The following EDIL3 variants were observed in gnomAD, a reference collection of about 807,000 sequenced individuals.
EDIL3 encodes the protein EGF like and discoidin domains 3.
In EDIL3, 37 loss-of-function variants were observed where a neutral mutation model predicts 67.4. The observed-to-expected ratio is 0.55, with a 90% CI of 0.42 to 0.72. EDIL3 has a LOEUF of 0.72. EDIL3 is among the 30% of genes least tolerant of loss of function. The pLI is 0.00. For missense variants in EDIL3, 527 were observed against 586.3 expected (o/e 0.90, Z 1.04); for synonymous variants, 195 against 196.3 (o/e 0.99, Z 0.05).
At chr5:84,338,684 A>G (rs781540460) in intron 1 of EDIL3, among the ~76,000 whole-genome samples, 1 of 152,186 alleles carries the variant, frequency 6.6e-6, no homozygotes, top group African/African-American at 2.4e-5. Flanking sequence ...ACTTTCATAC[A>G]TTGTGAAGTC....
intron 6 of EDIL3, among the ~76,000 whole-genome samples, chr5:84,081,734 C>T (rs1215632752): frequency 6.6e-6 from 1 of 151,962 alleles, no homozygotes; most frequent in East Asian, 1.9e-4. Flanking sequence ...AAAATAATCA[C>T]CACAAACCTG....
At chr5:84,307,780 G>A (rs908864787) in intron 1 of EDIL3, among the ~76,000 whole-genome samples, 2 of 151,872 alleles carry the variant, frequency 1.3e-5, no homozygotes, top group African/African-American at 4.8e-5. Context: ...AGAAGAAGGG[G>A]CATAATAAAG....
chr5:84,360,311 T>A (rs1424067010), intron 1 of EDIL3, among the ~76,000 whole-genome samples: 1 of 152,214 alleles, frequency 6.6e-6, no homozygotes, highest in Non-Finnish European at 1.5e-5. Flanking sequence ...CTAATTGCTT[T>A]TCAACAGTTT....
At chr5:83,966,183 T>G (rs1416362892) in intron 9 of EDIL3, among the ~76,000 whole-genome samples, 1 of 152,084 alleles carries the variant, frequency 6.6e-6, no homozygotes, top group African/African-American at 2.4e-5. Context: ...CCCCAAAGTT[T>G]GGCTAAAATA....
intron 3 of EDIL3, among the ~76,000 whole-genome samples, chr5:84,194,153 AAGG>A: frequency 6.6e-6 from 1 of 152,088 alleles, no homozygotes; most frequent in East Asian, 1.9e-4. Flanking sequence ...GGCCAAAATG[AAGG>A]AAAGACAGTA....
In EDIL3 at chr5:83,941,503, T is replaced by C. The variant is rs932293930; in HGVS notation, c.*1916A>G. 1 of 151,994 alleles carries C rather than the reference T, an allele frequency of 6.6e-6. No homozygotes were observed. The highest frequency in any genetic ancestry group is 2.4e-5 in the African/African-American group (1 of 41,426). The allele number at this position is 151,994 out of a possible 1,614,324, so 9.4% of individuals were successfully genotyped here. A position where few individuals can be genotyped will look rare whatever the true frequency, so the allele number is the denominator to read the frequency against. On this transcript the variant is annotated 3_prime_UTR_variant, in exon 11 of 11. Coordinates refer to ENST00000296591, the MANE Select transcript of EDIL3 (RefSeq NM_005711.5). ...ATTTGCAAAGGAAAATGGCTAGATA[T>C]CTGATGGGACAGTAAACCTTGAAAG...
intron 2 of EDIL3, among the ~76,000 whole-genome samples, chr5:84,251,274 G>A (rs965040343): frequency 3.3e-5 from 5 of 152,088 alleles, no homozygotes; most frequent in Admixed American, 2.0e-4. Context: ...TATTGTGCCC[G>A]GTTAATTTTT....
intron 1 of EDIL3, among the ~76,000 whole-genome samples, chr5:84,378,756 G>A (rs1748018779): frequency 1.3e-5 from 2 of 152,154 alleles, no homozygotes; most frequent in South Asian, 4.1e-4. Context: ...GATAGCTTTA[G>A]GCAGGACAGT....
chr5:84,360,526 C>T (rs1324739781), intron 1 of EDIL3, among the ~76,000 whole-genome samples: 1 of 152,120 alleles, frequency 6.6e-6, no homozygotes, highest in Admixed American at 6.5e-5. Context: ...AAATTGAATG[C>T]CCTTTTCAAT....
At chr5:84,159,083 C>T (rs1365849895) in intron 4 of EDIL3, among the ~76,000 whole-genome samples, 1 of 152,024 alleles carries the variant, frequency 6.6e-6, no homozygotes, top group African/African-American at 2.4e-5. Context: ...ATTGCCAGTA[C>T]ATACACAACC....
At chr5:84,065,731 G>A (rs1180567377) in intron 7 of EDIL3, among the ~76,000 whole-genome samples, 1 of 152,006 alleles carries the variant, frequency 6.6e-6, no homozygotes, top group Non-Finnish European at 1.5e-5. Context: ...CCAATATGAA[G>A]CATATAAAGA....
intron 9 of EDIL3, among the ~76,000 whole-genome samples, chr5:84,030,962 T>C (rs1264435131): frequency 6.6e-6 from 1 of 152,160 alleles, no homozygotes; most frequent in African/African-American, 2.4e-5. Context: ...TGGAGGCTGG[T>C]AGTCCAAGAT....
At chr5:84,229,944 G>T in intron 2 of EDIL3, 60 bp from the exon 3 acceptor site, 1 of 1,399,924 alleles carries the variant, frequency 7.1e-7, no homozygotes, top group Non-Finnish European at 9.8e-7. Flanking sequence ...GGGAGAAGGG[G>T]GGAGAGAGAA....
rs1561399938 is a variant in EDIL3 at position 84,004,809 on chromosome 5, T to A, written c.1138-41449A>T. 1.3e-5 allele frequency among the ~76,000 whole-genome samples: 2 copies of A among 152,082 alleles called. 1 individual carries two copies. Among genetic ancestry groups the A allele is most frequent in the East Asian group, 3.9e-4 (2 of 5,154 alleles). On this transcript the variant is annotated intron_variant, in intron 9 of 10. Coordinates refer to ENST00000296591, the MANE Select transcript of EDIL3 (RefSeq NM_005711.5). ...AACAAGAGCAAACCAACCCCAAAGC[T>A]AGCAGAAGAAAAGAGATAACCAAAA...
chr5:84,239,025 T>C (rs1049748021), intron 2 of EDIL3, among the ~76,000 whole-genome samples: 1 of 152,148 alleles, frequency 6.6e-6, no homozygotes, highest in South Asian at 2.1e-4. Context: ...TCTTTCAAAA[T>C]TTCTAGAGGC....
At position 84,084,590 on chromosome 5, in the gene EDIL3, T is replaced by C. The variant is rs551471230; in HGVS notation, c.652-17984A>G. 2.0e-5 allele frequency among the ~76,000 whole-genome samples: 3 copies of C among 152,314 alleles called. No homozygotes were observed. The South Asian group carries it at 6.2e-4, about 32-fold the overall frequency. Reference sequence around the variant, plus strand: ...TTATTTTTCCAGCTGTATCTCTGATTATTATTACACGTGCATTTTGCTTTT... The same window carrying C: ...TTATTTTTCCAGCTGTATCTCTGATCATTATTACACGTGCATTTTGCTTTT... On this transcript the variant is annotated intron_variant, in intron 6 of 10. Transcript: ENST00000296591.
chr5:84,323,190 GA>G (rs1238687429), intron 1 of EDIL3, among the ~76,000 whole-genome samples: 1 of 151,974 alleles, frequency 6.6e-6, no homozygotes, highest in East Asian at 1.9e-4. Flanking sequence ...GTTTTATACA[GA>G]ATTTAATAGA....
At chr5:84,291,232 TA>T (rs1434453935) in intron 1 of EDIL3, among the ~76,000 whole-genome samples, 2 of 152,274 alleles carry the variant, frequency 1.3e-5, no homozygotes, top group East Asian at 3.9e-4. Context: ...TTCTCCTTAC[TA>T]AATTGATTTT....
At chr5:84,300,867 G>A (rs1746145129) in intron 1 of EDIL3, among the ~76,000 whole-genome samples, 1 of 151,976 alleles carries the variant, frequency 6.6e-6, no homozygotes, top group South Asian at 2.1e-4. Context: ...AGTGGTAGAA[G>A]CTAAACTAGA....
Sources: gnomAD v4.1 joint callset for allele counts (sites outside exome capture counted in the v4.1 genomes callset) on GRCh38, gnomAD v4.1.1 for gene constraint, MANE v1.5 for transcripts, NCBI Gene and HGNC (gene_info 2026-07-23, HGNC 2026-07-21) for gene names.